TMPRSS15: variants seen among roughly 807,000 people sequenced by gnomAD.
TMPRSS15 encodes the protein enteropeptidase.
TMPRSS15 carries 128 observed loss-of-function variants against 125.3 expected under a neutral mutation model. That is an observed-to-expected ratio of 1.02 (90% CI 0.89 to 1.18). The LOEUF (loss-of-function observed/expected upper bound fraction) is 1.18. Ranked by LOEUF, TMPRSS15 falls within the 50% of genes most tolerant of loss-of-function variation. The pLI is 0.00. For synonymous variants in TMPRSS15, 446 were observed against 423.2 expected (o/e 1.05, Z -0.66); for missense variants, 1,283 against 1,212.7 (o/e 1.06, Z -0.86).
chr21:18,416,550 G>A (rs2076180702), intron 1 of TMPRSS15, among the ~76,000 whole-genome samples: 1 of 151,888 alleles, frequency 6.6e-6, no homozygotes, highest in African/African-American at 2.4e-5. Flanking sequence ...ATATTCTCTT[G>A]AAGACATTGG....
intron 6 of TMPRSS15, among the ~76,000 whole-genome samples, chr21:18,365,655 CT>C (rs1263884973): frequency 2.8e-5 from 3 of 108,912 alleles, no homozygotes; most frequent in Admixed American, 9.9e-5. Flanking sequence ...TCCTCCCTTC[CT>C]TCCTTCCTTC....
At chr21:18,279,252 A>C (rs1470427801) in intron 22 of TMPRSS15, among the ~76,000 whole-genome samples, 193 bp from the exon 23 acceptor site, 1 of 148,900 alleles carries the variant, frequency 6.7e-6, no homozygotes, top group African/African-American at 2.5e-5. Context: ...GCACTTTTTG[A>C]CAATAGATCG....
chr21:18,315,845 A>C (rs890477204), intron 16 of TMPRSS15, among the ~76,000 whole-genome samples: 99 of 143,412 alleles, frequency 6.9e-4, no homozygotes, highest in Middle Eastern at 3.8e-3. Flanking sequence ...AAGTATAATA[A>C]AATATATATA....
intron 1 of TMPRSS15, among the ~76,000 whole-genome samples, chr21:18,443,261 G>A (rs893088838): frequency 6.6e-6 from 1 of 152,190 alleles, no homozygotes. Flanking sequence ...GGTGAACACT[G>A]ACTCTGCAGG....
chr21:18,296,550 A>G (rs1243871364), intron 19 of TMPRSS15, among the ~76,000 whole-genome samples: 1 of 152,236 alleles, frequency 6.6e-6, no homozygotes, highest in African/African-American at 2.4e-5. Flanking sequence ...TGATACTGGC[A>G]TTTCGTTGAT....
chr21:18,306,563 A>C (rs1308521343), intron 18 of TMPRSS15, among the ~76,000 whole-genome samples: 2 of 152,184 alleles, frequency 1.3e-5, no homozygotes, highest in African/African-American at 4.8e-5. Context: ...GGATTTAAAA[A>C]TTAACACCAA....
intron 3 of TMPRSS15, among the ~76,000 whole-genome samples, chr21:18,387,809 A>G (rs1006971105): frequency 6.6e-6 from 1 of 152,170 alleles, no homozygotes; most frequent in Non-Finnish European, 1.5e-5. Context: ...AAAATCTATA[A>G]CAAAAATGTA....
At chr21:18,333,882 A>G (rs1250479594) in intron 13 of TMPRSS15, among the ~76,000 whole-genome samples, 1 of 152,176 alleles carries the variant, frequency 6.6e-6, no homozygotes, top group African/African-American at 2.4e-5. Flanking sequence ...TAAGCATTCT[A>G]ATTGTATCTA....
At chr21:18,434,236 T>C (rs753849759) in intron 1 of TMPRSS15, among the ~76,000 whole-genome samples, 27 of 152,162 alleles carry the variant, frequency 1.8e-4, no homozygotes, top group Non-Finnish European at 3.4e-4. Flanking sequence ...ATTGCACGTA[T>C]ACTCATATCT....
At chr21:18,348,875 G>T (rs1601371875) in intron 10 of TMPRSS15, among the ~76,000 whole-genome samples, 3 of 152,254 alleles carry the variant, frequency 2.0e-5, no homozygotes, top group Admixed American at 2.0e-4. Context: ...CTATGTGTCA[G>T]CCATTTTTCA....
At chr21:18,419,710 C>A (rs780581450) in intron 1 of TMPRSS15, among the ~76,000 whole-genome samples, 5 of 152,318 alleles carry the variant, frequency 3.3e-5, no homozygotes, top group Admixed American at 6.5e-5. Flanking sequence ...GTATCCTTCT[C>A]TGCTTCACTG....
rs777652405 is a variant in TMPRSS15, at chr21:18,294,391, T to C, written c.2365A>G (p.Ser789Gly). ...QDITPKIVGG[S>G]NAKEGAWPWV... Reference sequence around the variant, plus strand: ...GGCCAGGCCCCTTCTTTGGCATTACTTCCTCCAACAATCTTTGGGGTGATG... The same window carrying C: ...GGCCAGGCCCCTTCTTTGGCATTACCTCCTCCAACAATCTTTGGGGTGATG... The change falls in exon 21 of 25, where the codon AGT becomes GGT. Residue 789 changes from serine to glycine, a missense_variant. By Grantham distance (56) the Ser-to-Gly change is moderately conservative. Transcript: ENST00000284885. The C allele has an allele frequency of 6.2e-7, 1 of 1,614,246 alleles. No individual in the cohort carries two copies. Among genetic ancestry groups the C allele is most frequent in the Non-Finnish European group, 8.5e-7 (1 of 1,180,034 alleles).
rs2076259482 is a variant in TMPRSS15 at position 18,448,134 on chromosome 21, CA to C, written c.10+37664del. Among the ~76,000 whole-genome samples the C allele has an allele frequency of 3.3e-5, 5 of 152,254 alleles. No individual in the cohort carries two copies. The South Asian group carries it at 1.0e-3, about 32-fold the overall frequency. Reference sequence around the variant, plus strand: ...AACGTATATCCAAAGGAAATTAAATCAGTATGTTGAAGAGGTATCTACATTT... The same window carrying C: ...AACGTATATCCAAAGGAAATTAAATCGTATGTTGAAGAGGTATCTACATTT... On this transcript the variant is annotated intron_variant, in intron 1 of 7. Transcript: ENST00000422787.
intron 1 of TMPRSS15, among the ~76,000 whole-genome samples, chr21:18,481,234 ATTTTC>A (rs1373722236): frequency 1.3e-5 from 2 of 151,698 alleles, no homozygotes; most frequent in African/African-American, 4.8e-5. Flanking sequence ...GACTTCATCT[ATTTTC>A]TTAACTCTTC....
At chr21:18,416,751 A>G (rs994796104) in intron 1 of TMPRSS15, among the ~76,000 whole-genome samples, 1 of 152,050 alleles carries the variant, frequency 6.6e-6, no homozygotes, top group Non-Finnish European at 1.5e-5. Context: ...GACTTTCTTT[A>G]TCTTTTGCTA....
intron 3 of TMPRSS15, among the ~76,000 whole-genome samples, chr21:18,385,698 G>C (rs1444290052): frequency 6.6e-6 from 1 of 152,018 alleles, no homozygotes; most frequent in Non-Finnish European, 1.5e-5. Flanking sequence ...TTGTACTACT[G>C]AATTAACTTC....
chr21:18,275,430 A>C, intron 23 of TMPRSS15, 94 bp from the exon 24 acceptor site: 2 of 1,443,200 alleles, frequency 1.4e-6, no homozygotes, highest in Non-Finnish European at 1.9e-6. Context: ...CCAACATTTC[A>C]CTCTCATTAT....
Position 18,433,663 on chromosome 21 carries a change from C to CAAAA in TMPRSS15, c.11-35338_11-35335dup, listed in dbSNP as rs58432155. Among the ~76,000 whole-genome samples the CAAAA allele has an allele frequency of 2.2e-3, 136 of 62,128 alleles. 2 individuals carry two copies. Among genetic ancestry groups the CAAAA allele is most frequent in the East Asian group, 8.7e-3 (17 of 1,944 alleles). 40.8% of individuals were successfully genotyped at this position (62,128 alleles called of 152,430 possible). On this transcript the variant is annotated intron_variant, in intron 1 of 7. Coordinates refer to the TMPRSS15 transcript ENST00000422787. The stretch of plus-strand genomic sequence containing the variant: ...TGGGTGAGAAAGTAAGACCTTGTCT[C>CAAAA]AAAAAAAAAAAAAAAAAAAAAAAGA...
At chr21:18,291,332 T>C (rs1377788865) in intron 21 of TMPRSS15, among the ~76,000 whole-genome samples, 1 of 152,210 alleles carries the variant, frequency 6.6e-6, no homozygotes, top group Admixed American at 6.5e-5. Context: ...TCCAAATCCT[T>C]CTTTTAAGGT....
Sources: gnomAD v4.1 joint callset for allele counts (sites outside exome capture counted in the v4.1 genomes callset) on GRCh38, gnomAD v4.1.1 for gene constraint, MANE v1.5 for transcripts, NCBI Gene and HGNC (gene_info 2026-07-23, HGNC 2026-07-21) for gene names.